SMARCA1: variants seen among roughly 807,000 people sequenced by gnomAD.
SMARCA1 encodes the protein SNF2 related chromatin remodeling ATPase 1, also known as SWI/SNF-related matrix-associated actin-dependent regulator of chromatin subfamily A member 1.
A neutral mutation model predicts 93.6 loss-of-function variants in SMARCA1; 17 were observed. The ratio of observed to expected loss-of-function variants is 0.18; its 90% CI spans 0.12 to 0.27. The LOEUF is 0.27. Ranked by LOEUF, SMARCA1 falls within the 10% of genes least tolerant of loss-of-function variation. SMARCA1 has a pLI of 1.00. For missense variants in SMARCA1, 630 were observed against 819.0 expected, an observed-to-expected ratio of 0.77 and a Z score of 2.82; for synonymous variants, 271 against 271.4, an observed-to-expected ratio of 1.00 and a Z score of 0.01.
intron 7 of SMARCA1, among the ~76,000 whole-genome samples, chrX:129,506,495 T>C (rs3118099): frequency 0.26 from 28,223 of 107,791 alleles, 4,170 homozygotes; most frequent in African/African-American, 0.55. Flanking sequence ...GAGACAGACT[T>C]GCCAACATGG....
At chrX:129,480,632 G>C (rs186262545) in intron 19 of SMARCA1, 69 bp downstream of exon 19, 49 of 418,248 alleles carry the variant, frequency 1.2e-4, no homozygotes, top group African/African-American at 1.1e-3. Flanking sequence ...ACACCTTCTA[G>C]TCTAGATTAA....
At chrX:129,488,821 G>T in intron 16 of SMARCA1, 116 bp downstream of exon 16, 1 of 466,654 alleles carries the variant, frequency 2.1e-6, no homozygotes, top group Admixed American at 4.3e-5. Context: ...GAGAATATGA[G>T]CTACCTGAAA....
intron 19 of SMARCA1, among the ~76,000 whole-genome samples, chrX:129,472,800 T>A (rs2085910082): frequency 8.9e-6 from 1 of 111,984 alleles, no homozygotes; most frequent in Non-Finnish European, 1.9e-5. Context: ...GAATCCGAAA[T>A]CCAAAAAATG....
chrX:129,503,125 G>A (rs1934630875), intron 9 of SMARCA1, among the ~76,000 whole-genome samples: 1 of 112,104 alleles, frequency 8.9e-6, no homozygotes, highest in African/African-American at 3.2e-5. Context: ...AGGAGGGCAG[G>A]AGATACCTGG....
At chrX:129,520,381 C>G (rs1935347184) in intron 1 of SMARCA1, among the ~76,000 whole-genome samples, 1 of 110,862 alleles carries the variant, frequency 9.0e-6, no homozygotes, top group African/African-American at 3.3e-5. Flanking sequence ...CTTAAACCAA[C>G]TAAATTCAAC....
intron 12 of SMARCA1, among the ~76,000 whole-genome samples, chrX:129,496,443 G>C (rs1934329746): frequency 9.1e-6 from 1 of 110,158 alleles, no homozygotes; most frequent in Admixed American, 9.8e-5. Context: ...GGAGGTTAGA[G>C]AGTAAGGTGA....
chrX:129,500,135 A>AG (rs1934497971), intron 9 of SMARCA1, among the ~76,000 whole-genome samples: 1 of 106,296 alleles, frequency 9.4e-6, no homozygotes, highest in East Asian at 3.4e-4. Flanking sequence ...AAAAAAAAAA[A>AG]AAAAGAAGCT....
Position 129,506,215 on chromosome X carries a change from G to C in SMARCA1, c.967-4C>G. 1 of 1,160,599 alleles carries C rather than the reference G, an allele frequency of 8.6e-7. No individual in the cohort carries two copies. Among genetic ancestry groups the C allele is most frequent in the South Asian group, 1.8e-5 (1 of 54,704 alleles). ...ACTCACGAACAATCTCTGAAAGCTA[G>C]AAAATAATACTCATATGAGGATTAT... On this transcript the variant is annotated splice_polypyrimidine_tract_variant and splice_region_variant and intron_variant, in intron 7 of 24. Transcript: ENST00000371121.
At chrX:129,465,372 G>A (rs747262623) in intron 23 of SMARCA1, 148 bp downstream of exon 23, 62 of 402,210 alleles carry the variant, frequency 1.5e-4, no homozygotes, top group Non-Finnish European at 2.5e-4. Context: ...TAGGTGCTAC[G>A]TATGTATACA....
intron 19 of SMARCA1, among the ~76,000 whole-genome samples, chrX:129,476,663 A>G (rs1483175071): frequency 8.9e-6 from 1 of 112,101 alleles, no homozygotes; most frequent in Non-Finnish European, 1.9e-5. Context: ...TACACAGAAT[A>G]CCAGGTAACT....
intron 12 of SMARCA1, among the ~76,000 whole-genome samples, chrX:129,495,753 G>A (rs1182243099): frequency 9.3e-6 from 1 of 107,243 alleles, no homozygotes; most frequent in Admixed American, 1.0e-4. Flanking sequence ...GATTGACGTC[G>A]CAGTTTCTAT....
In SMARCA1 at chrX:129,523,392, A is replaced by AG. The variant is rs1569453179; in HGVS notation, c.-23dup. The AG allele has an allele frequency of 2.6e-6, 3 of 1,143,684 alleles. No individual in the cohort carries two copies. The African/African-American group carries it at 5.4e-5, about 21-fold the overall frequency. The allele number at this position is 1,143,684 out of a possible 1,213,427, so 94.3% of individuals were successfully genotyped here. ...CCATGCCGTGGGAGCGGGAACGAGT[A>AG]GGGGGACAAGGCAGGGGACGAGGGC... On this transcript the variant is annotated 5_prime_UTR_variant, in exon 1 of 25. Transcript: ENST00000371121.
chrX:129,464,373 G>A (rs1035343313), intron 23 of SMARCA1, among the ~76,000 whole-genome samples: 6 of 112,414 alleles, frequency 5.3e-5, no homozygotes, highest in Non-Finnish European at 7.5e-5. Flanking sequence ...AACATTGTTT[G>A]CATTGTTAGT....
intron 23 of SMARCA1, among the ~76,000 whole-genome samples, chrX:129,453,147 T>C (rs1003742645): frequency 1.8e-5 from 2 of 111,552 alleles, no homozygotes; most frequent in Non-Finnish European, 3.8e-5. Flanking sequence ...CAAAATGATA[T>C]AGAAATTGGG....
At chrX:129,454,135 C>T (rs985871964) in intron 23 of SMARCA1, among the ~76,000 whole-genome samples, 1 of 111,636 alleles carries the variant, frequency 9.0e-6, no homozygotes, top group Non-Finnish European at 1.9e-5. Context: ...AGAAATAACA[C>T]CACACATCTA....
intron 23 of SMARCA1, among the ~76,000 whole-genome samples, chrX:129,452,474 C>CA (rs1285873567): frequency 3.6e-5 from 4 of 112,310 alleles, no homozygotes; most frequent in African/African-American, 6.5e-5. Flanking sequence ...ATAGCTGTGG[C>CA]AAAAAATTCC....
chrX:129,510,849 T>C (rs1439723839), intron 6 of SMARCA1, among the ~76,000 whole-genome samples: 1 of 111,726 alleles, frequency 9.0e-6, no homozygotes, highest in Admixed American at 9.6e-5. Context: ...TAGGGAAGAA[T>C]CTGGCCTGTA....
At chrX:129,452,590 G>T (rs915243729) in intron 23 of SMARCA1, among the ~76,000 whole-genome samples, 1 of 112,422 alleles carries the variant, frequency 8.9e-6, no homozygotes, top group Non-Finnish European at 1.9e-5. Context: ...GAGTGGAAAT[G>T]TGAATGGCAG....
At chrX:129,512,169 T>C (rs1935041196) in intron 5 of SMARCA1, among the ~76,000 whole-genome samples, 186 bp from the exon 6 acceptor site, 1 of 111,875 alleles carries the variant, frequency 8.9e-6, no homozygotes, top group Admixed American at 9.5e-5. Context: ...TCCAATTCAG[T>C]ATTGTACTTA....
Sources: gnomAD v4.1 joint callset for allele counts (sites outside exome capture counted in the v4.1 genomes callset) on GRCh38, gnomAD v4.1.1 for gene constraint, MANE v1.5 for transcripts, NCBI Gene and HGNC (gene_info 2026-07-23, HGNC 2026-07-21) for gene names.